Variants in SCAPER observed in about 807,000 individuals in gnomAD.
SCAPER encodes S-phase cyclin A associated protein in the ER.
In SCAPER, 98 loss-of-function variants were observed where a neutral mutation model predicts 182.2. The ratio of observed to expected loss-of-function variants is 0.54; its 90% CI spans 0.46 to 0.64. SCAPER has a LOEUF of 0.64. Among genes scored for constraint, SCAPER ranks in the 30% least tolerant of loss-of-function variants. The pLI, the probability that SCAPER is intolerant of heterozygous loss-of-function variation, is 0.00. For missense variants in SCAPER, 1,432 were observed against 1,690.0 expected (o/e 0.85, Z 2.68); for synonymous variants, 605 against 564.6 (o/e 1.07, Z -1.01).
chr15:76,558,204 A>G (rs938674667), intron 23 of SCAPER, among the ~76,000 whole-genome samples: 1 of 152,188 alleles, frequency 6.6e-6, no homozygotes. Flanking sequence ...TGAACAGAGT[A>G]AAAAGACCAC....
At chr15:76,432,306 C>T (rs539104022) in intron 26 of SCAPER, among the ~76,000 whole-genome samples, 54 of 152,294 alleles carry the variant, frequency 3.5e-4, no homozygotes, top group South Asian at 1.4e-3. Context: ...ATGGTTGTGG[C>T]CCAAAGGGCC....
At chr15:76,474,138 G>A (rs762371773) in intron 24 of SCAPER, among the ~76,000 whole-genome samples, 3 of 152,126 alleles carry the variant, frequency 2.0e-5, no homozygotes, top group Non-Finnish European at 4.4e-5. Flanking sequence ...ATATATGCTT[G>A]CCTGAATTCT....
At chr15:76,441,226 T>G (rs2142682622) in intron 25 of SCAPER, among the ~76,000 whole-genome samples, 1 of 152,200 alleles carries the variant, frequency 6.6e-6, no homozygotes, top group South Asian at 2.1e-4. Context: ...CAGCCTATTC[T>G]CCTTCTTTTT....
At chr15:76,549,993 G>C (rs2045623020) in intron 23 of SCAPER, among the ~76,000 whole-genome samples, 1 of 152,030 alleles carries the variant, frequency 6.6e-6, no homozygotes, top group African/African-American at 2.4e-5. Context: ...CATAACAAAG[G>C]AAACGGTTAA....
intron 21 of SCAPER, among the ~76,000 whole-genome samples, chr15:76,623,696 GCT>G (rs1269826498): frequency 6.6e-6 from 1 of 152,120 alleles, no homozygotes; most frequent in Non-Finnish European, 1.5e-5. Context: ...CTCCCATTTT[GCT>G]CTTTTTGCTT....
chr15:76,580,216 T>C (rs1367345038), intron 22 of SCAPER, among the ~76,000 whole-genome samples: 1 of 152,196 alleles, frequency 6.6e-6, no homozygotes, highest in African/African-American at 2.4e-5. Context: ...GGCTGAAGAA[T>C]ACACATTCTT....
chr15:76,795,041 C>A (rs1334382995), intron 8 of SCAPER, among the ~76,000 whole-genome samples: 1 of 152,102 alleles, frequency 6.6e-6, no homozygotes, highest in Non-Finnish European at 1.5e-5. Flanking sequence ...AAACAAAAGA[C>A]CTCATTCTCT....
At chr15:76,782,117 T>C (rs1301960193) in intron 8 of SCAPER, among the ~76,000 whole-genome samples, 1 of 152,024 alleles carries the variant, frequency 6.6e-6, no homozygotes, top group African/African-American at 2.4e-5. Context: ...TCAAGACCCA[T>C]CAGTGTGCTG....
At chr15:76,789,814 G>A (rs76518801) in intron 8 of SCAPER, among the ~76,000 whole-genome samples, 7,825 of 152,160 alleles carry the variant, frequency 0.051, 594 homozygotes, top group African/African-American at 0.17. Context: ...CATTAAGAAC[G>A]TTGTACTAAA....
At chr15:76,781,112 C>G (rs1376184346) in intron 8 of SCAPER, among the ~76,000 whole-genome samples, 1 of 152,058 alleles carries the variant, frequency 6.6e-6, no homozygotes, top group Non-Finnish European at 1.5e-5. Context: ...CATGTTCTAA[C>G]CCAACATAAG....
chr15:76,737,538 G>A (rs1308008070), intron 15 of SCAPER, among the ~76,000 whole-genome samples: 1 of 152,230 alleles, frequency 6.6e-6, no homozygotes, highest in Non-Finnish European at 1.5e-5. Context: ...TTTTCACAAT[G>A]GTTAAGGAGC....
chr15:76,492,922 T>C (rs375276287), intron 24 of SCAPER, among the ~76,000 whole-genome samples: 33 of 150,278 alleles, frequency 2.2e-4, no homozygotes, highest in African/African-American at 7.4e-4. Flanking sequence ...GATCAGAGTA[T>C]GAGTTGTGGA....
At chr15:76,635,334 T>C (rs2053497903) in intron 21 of SCAPER, among the ~76,000 whole-genome samples, 1 of 152,042 alleles carries the variant, frequency 6.6e-6, no homozygotes, top group African/African-American at 2.4e-5. Flanking sequence ...GTGCACATCT[T>C]TGAGATGTGG....
At chr15:76,764,595 G>A (rs1382890600) in intron 14 of SCAPER, among the ~76,000 whole-genome samples, 1 of 152,188 alleles carries the variant, frequency 6.6e-6, no homozygotes, top group African/African-American at 2.4e-5. Context: ...CCAGAGCCAA[G>A]AGCAAGGACC....
chr15:76,896,753 C>T (rs893952085), intron 1 of SCAPER, among the ~76,000 whole-genome samples: 1 of 152,050 alleles, frequency 6.6e-6, no homozygotes, highest in Admixed American at 6.5e-5. Flanking sequence ...GGAGAATATG[C>T]CAAAATACAA....
chr15:76,873,308 A>G (rs2072883995), intron 2 of SCAPER, among the ~76,000 whole-genome samples: 1 of 109,064 alleles, frequency 9.2e-6, no homozygotes, highest in African/African-American at 3.5e-5. Flanking sequence ...GAAGGAAGGA[A>G]GGAAGGAAGG....
chr15:76,608,425 C>T (rs1198655729), intron 22 of SCAPER, among the ~76,000 whole-genome samples: 1 of 152,212 alleles, frequency 6.6e-6, no homozygotes, highest in African/African-American at 2.4e-5. Context: ...CAATCTGCCC[C>T]TACTGGGGGA....
chr15:76,789,872 A>G (rs935553972), intron 8 of SCAPER, among the ~76,000 whole-genome samples: 1 of 152,204 alleles, frequency 6.6e-6, no homozygotes, highest in Non-Finnish European at 1.5e-5. Flanking sequence ...AATAATCCCA[A>G]TCTTACTGTG....
At chr15:76,736,198 C>T (rs1179244109) in intron 15 of SCAPER, among the ~76,000 whole-genome samples, 7 of 152,198 alleles carry the variant, frequency 4.6e-5, no homozygotes, top group Non-Finnish European at 8.8e-5. Flanking sequence ...AAACAATGTA[C>T]GCACCTTAAT....
Sources: gnomAD v4.1 joint callset for allele counts (sites outside exome capture counted in the v4.1 genomes callset) on GRCh38, gnomAD v4.1.1 for gene constraint, MANE v1.5 for transcripts, NCBI Gene and HGNC (gene_info 2026-07-23, HGNC 2026-07-21) for gene names.